The following DCXR variants were observed in gnomAD, a reference collection of about 807,000 sequenced individuals.
DCXR encodes the protein dicarbonyl and L-xylulose reductase.
Under a neutral mutation model 25.9 loss-of-function variants are expected in DCXR, and 24 were observed. The ratio of observed to expected loss-of-function variants is 0.93; its 90% CI spans 0.67 to 1.30. The LOEUF is 1.30. DCXR is among the 50% of genes most tolerant of loss of function. DCXR has a pLI of 0.00. For missense variants in DCXR, 348 were observed against 333.7 expected, an observed-to-expected ratio of 1.04 and a Z score of -0.33; for synonymous variants, 161 against 141.7, an observed-to-expected ratio of 1.14 and a Z score of -0.97.
Position 82,036,417 on chromosome 17 carries a change from G to C in DCXR, c.480C>G (p.Thr160=), listed in dbSNP as rs1484558867. 2.5e-6 allele frequency: 4 copies of C among 1,613,488 alleles called. No individual in the cohort carries two copies. The highest frequency in any genetic ancestry group is 3.3e-5 in the Admixed American group (2 of 60,014). The change falls in exon 6 of 8, where the codon ACC becomes ACG. Residue 160 remains threonine (T), a synonymous_variant. Transcript: ENST00000306869. ...CSTKGALDML[T]KVMALELGPH... is the part of the protein sequence containing the mutation. ...GCCCGAGCTCTAGGGCCATCACCTT[G>C]GTCAGCATGTCCAGGGCACCCTTGG...
rs201745238 is a variant in DCXR, at chr17:82,036,632, C to G, written c.360G>C (p.Arg120Ser). The G allele has an allele frequency of 6.3e-5, 102 of 1,613,302 alleles. No individual in the cohort carries two copies. Among genetic ancestry groups the G allele is most frequent in the Non-Finnish European group, 5.5e-5 (65 of 1,179,990 alleles). ...CTGGGACTCCCCGGGCTATTAAGCC[C>G]CTGGCCACAATCTGGAATCGCAGCG... ...AVIQVSQIVARGLIARGVPGA... is the reference protein window; with the variant it reads ...AVIQVSQIVASGLIARGVPGA... Residue 120 changes from arginine to serine, a missense_variant, in exon 5 of 8, where the codon AGG becomes AGC. Physicochemically the swap from Arg to Ser is moderately radical, Grantham distance 110. Coordinates refer to ENST00000306869, the MANE Select transcript of DCXR (RefSeq NM_016286.4).
chr17:82,036,653 C>T lies in DCXR; in HGVS notation c.349-10G>A, dbSNP rs1308644123. On this transcript the variant is annotated splice_polypyrimidine_tract_variant and intron_variant, in intron 4 of 7. Transcript: ENST00000306869. ...AGCCCCTGGCCACAATCTGGAATCG[C>T]AGCGAGACCGTGAGGCAGAGCTGGC... The T allele has an allele frequency of 8.1e-6, 13 of 1,613,398 alleles. No individual in the cohort carries two copies. Among genetic ancestry groups the T allele is most frequent in the East Asian group, 2.2e-5 (1 of 44,884 alleles).
intron 7 of DCXR, 51 bp downstream of exon 7, chr17:82,036,140 C>A: frequency 6.2e-7 from 1 of 1,605,864 alleles, no homozygotes; most frequent in Non-Finnish European, 8.5e-7. Context: ...CTACCCAGGG[C>A]ACACACAGGG....
chr17:82,036,535 G>A lies in DCXR; in HGVS notation c.448+9C>T, dbSNP rs2043493354. 6.2e-7 allele frequency: 1 copy of A among 1,612,776 alleles called. No individual in the cohort carries two copies. The highest frequency in any genetic ancestry group is 8.5e-7 in the Non-Finnish European group (1 of 1,179,762). The stretch of plus-strand genomic sequence containing the variant: ...GGGGTGGGGCTGAGGGCACAGCTGG[G>A]GCACTCACAGTAGACGCTATGGTTA... On this transcript the variant is annotated intron_variant, in intron 5 of 7. Coordinates refer to ENST00000306869, the MANE Select transcript of DCXR (RefSeq NM_016286.4).
chr17:82,037,104 G>A (rs72861756), intron 2 of DCXR, 91 bp from the exon 3 acceptor site: 188,085 of 1,501,090 alleles, frequency 0.13, 15,362 homozygotes, highest in African/African-American at 0.4. Context: ...AGCCGGACAA[G>A]TAAAGGAGTT....
intron 2 of DCXR, 43 bp downstream of exon 2, chr17:82,037,407 C>T: frequency 6.6e-7 from 1 of 1,510,814 alleles, no homozygotes; most frequent in South Asian, 1.2e-5. Flanking sequence ...GCCGCCCCCT[C>T]CTGGCTCGCC....
chr17:82,037,518 G>A lies in DCXR; in HGVS notation c.82C>T (p.His28Tyr). ...GCCACCACCCGCGCGCCCGTCGCGT[G>A]CAGCGCCTGGACCGTGCCGCGCCCT... ...GIGRGTVQAL[H>Y]ATGARVVAVS... is the part of the protein sequence containing the mutation. The change falls in exon 2 of 8, where the codon CAC becomes TAC. Residue 28 changes from histidine to tyrosine, a missense_variant. By Grantham distance (83) the His-to-Tyr change is moderately conservative. Transcript: ENST00000306869. 2 of 1,542,096 alleles carry A rather than the reference G, an allele frequency of 1.3e-6. No individual in the cohort carries two copies. The highest frequency in any genetic ancestry group is 1.7e-6 in the Non-Finnish European group (2 of 1,151,180).
chr17:82,036,502 CTGGGGCTGGGG>C (rs776828939), intron 5 of DCXR, 31 bp downstream of exon 5: 2 of 1,612,356 alleles, frequency 1.2e-6, no homozygotes, highest in Admixed American at 3.3e-5. Context: ...GAGGGCGAGG[CTGGGGCTGGGG>C]TGGGGCTGAG....
Position 82,036,747 on chromosome 17 carries a change from G to A in DCXR, c.322C>T (p.Leu108=), listed in dbSNP as rs1477093660. 2.5e-6 allele frequency: 4 copies of A among 1,613,552 alleles called. No homozygotes were observed. In the Admixed American group the frequency reaches 6.7e-5, roughly 27 times the overall value. ...EAFDRSFEVN[L]RAVIQVSQIV... Reference sequence around the variant, plus strand: ...TGCGACACCTGGATGACCGCACGCAGGTTCACCTCAAAGGATCTAGAGGCC... The same window carrying A: ...TGCGACACCTGGATGACCGCACGCAAGTTCACCTCAAAGGATCTAGAGGCC... The change falls in exon 4 of 8, where the codon CTG becomes TTG. Residue 108 remains leucine (L), a synonymous_variant. Transcript: ENST00000306869.
rs1334631686 is a variant in DCXR at position 82,036,882 on chromosome 17, C to T, written c.282G>A (p.Glu94=). The T allele has an allele frequency of 6.2e-7, 1 of 1,613,206 alleles. No homozygotes were observed. The highest frequency in any genetic ancestry group is 1.7e-5 in the Admixed American group (1 of 60,000). Residue 94 remains glutamate, a synonymous_variant, in exon 3 of 8, where the codon GAG becomes GAA. Transcript: ENST00000306869. Reference sequence around the variant, plus strand: ...ACCTGTCAAAGGCCTCCTTGGTGACCTCCAGGAAGGGCTGCAGCAGGGCGA... The same window carrying T: ...ACCTGTCAAAGGCCTCCTTGGTGACTTCCAGGAAGGGCTGCAGCAGGGCGA... ...AAVALLQPFL[E]VTKEAFDRSF...
rs755040105 is a variant in DCXR at position 82,037,553 on chromosome 17, G to T, written c.53-6C>A. 2.6e-6 allele frequency: 4 copies of T among 1,544,268 alleles called. No individual in the cohort carries two copies. In the South Asian group the frequency reaches 4.7e-5, roughly 18 times the overall value. ...GACCGTGCCGCGCCCTATACCTGCC[G>T]GGAGCGGGCTCAGTGAAGGCGTCCC... is the stretch of plus-strand genomic sequence containing the variant. On this transcript the variant is annotated splice_region_variant and splice_polypyrimidine_tract_variant and intron_variant, in intron 1 of 7. Transcript: ENST00000306869.
Position 82,036,865 on chromosome 17 carries a change from A to G in DCXR, c.299T>C (p.Phe100Ser). 1 of 1,613,264 alleles carries G rather than the reference A, an allele frequency of 6.2e-7. No individual in the cohort carries two copies. Among genetic ancestry groups the G allele is most frequent in the African/African-American group, 1.3e-5 (1 of 75,018 alleles). Residue 100 changes from phenylalanine to serine, a missense_variant, in exon 3 of 8, where the codon TTT becomes TCT. Physicochemically the swap from Phe to Ser is radical, Grantham distance 155 (BLOSUM62 -2). Coordinates refer to ENST00000306869, the MANE Select transcript of DCXR (RefSeq NM_016286.4). ...QPFLEVTKEA[F>S]DRSFEVNLRA... ...TCCGCCCTCACAGGCTCACCTGTCA[A>G]AGGCCTCCTTGGTGACCTCCAGGAA...
Position 82,036,875 on chromosome 17 carries a change from T to TG in DCXR, c.288dup (p.Lys97GlnfsTer5). 1 of 1,613,188 alleles carries TG rather than the reference T, an allele frequency of 6.2e-7. No homozygotes were observed. Among genetic ancestry groups the TG allele is most frequent in the African/African-American group, 1.3e-5 (1 of 75,024 alleles). ...CAGGCTCACCTGTCAAAGGCCTCCT[T>TG]GGTGACCTCCAGGAAGGGCTGCAGC... On this transcript the variant is annotated frameshift_variant, in exon 3 of 8. Coordinates refer to ENST00000306869, the MANE Select transcript of DCXR (RefSeq NM_016286.4). LOFTEE classifies it high-confidence loss of function.
In DCXR at chr17:82,036,071, C is replaced by A. The variant is rs1568021397; in HGVS notation, c.632-8G>T. 1 of 1,612,734 alleles carries A rather than the reference C, an allele frequency of 6.2e-7. No homozygotes were observed. The highest frequency in any genetic ancestry group is 8.5e-7 in the Non-Finnish European group (1 of 1,179,636). ...TCACCACGTGCTCTACCTCTGTGGGCAGGGCGGGGGTCAGGGGCATAGAGG... is the reference window on the plus strand; with the variant it reads ...TCACCACGTGCTCTACCTCTGTGGGAAGGGCGGGGGTCAGGGGCATAGAGG... On this transcript the variant is annotated splice_region_variant and splice_polypyrimidine_tract_variant and intron_variant, in intron 7 of 7. Transcript: ENST00000306869.
intron 2 of DCXR, 179 bp from the exon 3 acceptor site, chr17:82,037,192 C>A (rs1459858292): frequency 5.7e-6 from 5 of 880,782 alleles, no homozygotes; most frequent in African/African-American, 5.1e-5. Flanking sequence ...TCCCTGCGCC[C>A]GAGCGACTCC....
At chr17:82,037,122 C>A in intron 2 of DCXR, 109 bp from the exon 3 acceptor site, 1 of 1,411,360 alleles carries the variant, frequency 7.1e-7, no homozygotes, top group Non-Finnish European at 9.7e-7. Flanking sequence ...GTTAGGAGTT[C>A]CGAAGGTGTC....
At position 82,036,743 on chromosome 17, in the gene DCXR, C is replaced by A; in HGVS notation, c.326G>T (p.Arg109Leu). The change falls in exon 4 of 8, where the codon CGT (arginine) becomes CTT (leucine). Residue 109 changes from arginine (R) to leucine (L), a missense_variant. Coordinates refer to ENST00000306869, the MANE Select transcript of DCXR (RefSeq NM_016286.4). ...CACCTGCGACACCTGGATGACCGCA[C>A]GCAGGTTCACCTCAAAGGATCTAGA... ...AFDRSFEVNLRAVIQVSQIVA... is the reference protein window; with the variant it reads ...AFDRSFEVNLLAVIQVSQIVA... 2.5e-6 allele frequency: 4 copies of A among 1,613,668 alleles called. No individual in the cohort carries two copies. Among genetic ancestry groups the A allele is most frequent in the East Asian group, 4.5e-5 (2 of 44,892 alleles).
chr17:82,036,657 G>A lies in DCXR; in HGVS notation c.349-14C>T, dbSNP rs367769179. On this transcript the variant is annotated splice_polypyrimidine_tract_variant and intron_variant, in intron 4 of 7. Transcript: ENST00000306869. The stretch of plus-strand genomic sequence containing the variant: ...CCTGGCCACAATCTGGAATCGCAGC[G>A]AGACCGTGAGGCAGAGCTGGCATCA... 1.2e-5 allele frequency: 19 copies of A among 1,613,290 alleles called. No individual in the cohort carries two copies. The highest frequency in any genetic ancestry group is 1.6e-4 in the Middle Eastern group (1 of 6,084).
chr17:82,036,751 C>T lies in DCXR; in HGVS notation c.318G>A (p.Val106=). The T allele has an allele frequency of 6.2e-7, 1 of 1,613,676 alleles. No individual in the cohort carries two copies. The highest frequency in any genetic ancestry group is 8.5e-7 in the Non-Finnish European group (1 of 1,180,010). The part of the protein sequence containing the change: ...TKEAFDRSFE[V]NLRAVIQVSQ... ...ACACCTGGATGACCGCACGCAGGTT[C>T]ACCTCAAAGGATCTAGAGGCCGAGG... Residue 106 remains valine, a synonymous_variant, in exon 4 of 8, where the codon GTG becomes GTA. Coordinates refer to ENST00000306869, the MANE Select transcript of DCXR (RefSeq NM_016286.4).
Sources: allele counts gnomAD v4.1 joint callset, GRCh38; gene constraint gnomAD v4.1.1; transcripts MANE v1.5; gene names NCBI Gene and HGNC (gene_info 2026-07-23, HGNC 2026-07-21).